Variants in PPARG observed in about 807,000 individuals in gnomAD.
The protein encoded by PPARG is peroxisome proliferator activated receptor gamma.
Under a neutral mutation model 39.2 loss-of-function variants are expected in PPARG, and 17 were observed. The observed-to-expected ratio is 0.43, with a 90% CI of 0.30 to 0.65. The LOEUF (loss-of-function observed/expected upper bound fraction) is 0.65, where lower values mean the gene tolerates loss of function less well. Ranked by LOEUF, PPARG falls within the 30% of genes least tolerant of loss-of-function variation. PPARG has a pLI of 0.13. For missense variants in PPARG, 406 were observed against 585.9 expected (o/e 0.69, Z 3.17); for synonymous variants, 223 against 215.7 (o/e 1.03, Z -0.30).
At chr3:12,427,924 T>C (rs2051511489) in intron 7 of PPARG, among the ~76,000 whole-genome samples, 1 of 152,224 alleles carries the variant, frequency 6.6e-6, no homozygotes, top group African/African-American at 2.4e-5. Flanking sequence ...TTGTTTGTTT[T>C]GGTTTTGAAC....
In PPARG at chr3:12,407,611, C is replaced by G. The variant is rs573965445; in HGVS notation, c.729+1530C>G. Among the ~76,000 whole-genome samples, 5 of 152,306 alleles carry G rather than the reference C, an allele frequency of 3.3e-5. No individual in the cohort carries two copies. The East Asian group carries it at 5.8e-4, about 18-fold the overall frequency. ...GCAGTCATTTATTTTCACATGAACA[C>G]CTCCCAGAGAGCTATGCAATGACTT... On this transcript the variant is annotated intron_variant, in intron 6 of 7. Transcript: ENST00000651735.
chr3:12,360,152 GT>G (rs2048795328), intron 2 of PPARG, among the ~76,000 whole-genome samples: 1 of 152,102 alleles, frequency 6.6e-6, no homozygotes, highest in Non-Finnish European at 1.5e-5. Flanking sequence ...TTTTAATACA[GT>G]TTTTCTCTTC....
intron 1 of PPARG, among the ~76,000 whole-genome samples, chr3:12,307,097 CAAAAA>C (rs11323214): frequency 3.6e-5 from 3 of 83,902 alleles, no homozygotes; most frequent in African/African-American, 9.2e-5. Context: ...GACTCCGTCT[CAAAAA>C]AAAAAAAAAA....
At chr3:12,417,699 C>T (rs1278022345) in intron 7 of PPARG, among the ~76,000 whole-genome samples, 2 of 152,028 alleles carry the variant, frequency 1.3e-5, no homozygotes, top group African/African-American at 4.8e-5. Context: ...TGATGGCTTC[C>T]CTTAAAGTAC....
At chr3:12,304,075 C>A (rs749139654) in intron 1 of PPARG, among the ~76,000 whole-genome samples, 32 of 152,354 alleles carry the variant, frequency 2.1e-4, no homozygotes, top group South Asian at 4.1e-4. Context: ...CCTTCTCAGA[C>A]ATTCACTTAT....
intron 1 of PPARG, among the ~76,000 whole-genome samples, chr3:12,305,234 G>A (rs949790656): frequency 2.0e-5 from 3 of 152,086 alleles, no homozygotes; most frequent in Admixed American, 1.3e-4. Context: ...GTCTCTGAGT[G>A]TAATATGGAA....
At chr3:12,345,316 A>T (rs1156634562) in intron 2 of PPARG, among the ~76,000 whole-genome samples, 1 of 152,206 alleles carries the variant, frequency 6.6e-6, no homozygotes, top group Non-Finnish European at 1.5e-5. Context: ...ACCGAGTCAT[A>T]ATTGAGTACT....
intron 7 of PPARG, among the ~76,000 whole-genome samples, chr3:12,428,650 A>C (rs576505764): frequency 6.6e-6 from 1 of 152,204 alleles, no homozygotes; most frequent in Non-Finnish European, 1.5e-5. Flanking sequence ...TAAAGGACTG[A>C]GTGTGCGTGG....
intron 7 of PPARG, among the ~76,000 whole-genome samples, chr3:12,432,274 A>G (rs894573636): frequency 6.6e-6 from 1 of 152,244 alleles, no homozygotes; most frequent in Non-Finnish European, 1.5e-5. Flanking sequence ...CTAAACCAGT[A>G]TCACCTACAA....
chr3:12,394,159 T>C (rs958546567), intron 5 of PPARG, among the ~76,000 whole-genome samples: 1 of 152,242 alleles, frequency 6.6e-6, no homozygotes, highest in Non-Finnish European at 1.5e-5. Context: ...AATAAACTTA[T>C]TTCATCTTCA....
intron 2 of PPARG, among the ~76,000 whole-genome samples, chr3:12,341,426 T>C (rs917940746): frequency 1.3e-5 from 2 of 152,188 alleles, no homozygotes; most frequent in Non-Finnish European, 2.9e-5. Context: ...GAGAACAAAT[T>C]AAACAAGCAG....
At chr3:12,418,410 C>T (rs1167078375) in intron 7 of PPARG, among the ~76,000 whole-genome samples, 1 of 152,074 alleles carries the variant, frequency 6.6e-6, no homozygotes, top group Non-Finnish European at 1.5e-5. Context: ...ACAGTGTATC[C>T]TCTGTGAAAA....
intron 2 of PPARG, among the ~76,000 whole-genome samples, chr3:12,369,329 A>G (rs1202396497): frequency 1.3e-5 from 2 of 152,078 alleles, no homozygotes; most frequent in Admixed American, 1.3e-4. Flanking sequence ...TCATCAGTAC[A>G]GAAAATACAA....
intron 2 of PPARG, among the ~76,000 whole-genome samples, chr3:12,360,998 A>G (rs535639934): frequency 1.3e-5 from 2 of 152,136 alleles, no homozygotes; most frequent in African/African-American, 2.4e-5. Context: ...TCTGAACAGG[A>G]CTCTAGAAAT....
intron 7 of PPARG, among the ~76,000 whole-genome samples, chr3:12,424,607 A>C (rs1378288844): frequency 6.6e-6 from 1 of 152,232 alleles, no homozygotes; most frequent in Non-Finnish European, 1.5e-5. Flanking sequence ...CAGACAGATC[A>C]TCTGCAAGTG....
At chr3:12,397,440 T>G (rs2050308149) in intron 5 of PPARG, among the ~76,000 whole-genome samples, 1 of 149,034 alleles carries the variant, frequency 6.7e-6, no homozygotes, top group South Asian at 2.1e-4. Context: ...AGACAAAGTC[T>G]CGCTCTGTTG....
intron 1 of PPARG, among the ~76,000 whole-genome samples, 155 bp from the exon 2 acceptor site, chr3:12,312,225 T>C (rs1165523086): frequency 2.0e-5 from 3 of 152,240 alleles, no homozygotes; most frequent in Non-Finnish European, 4.4e-5. Flanking sequence ...TAGAAAGCAT[T>C]GTAGGCTCAG....
chr3:12,392,382 G>A (rs534962051), intron 4 of PPARG, among the ~76,000 whole-genome samples: 1 of 152,258 alleles, frequency 6.6e-6, no homozygotes, highest in South Asian at 2.1e-4. Context: ...AGCTGGATGT[G>A]GTCAGTGTCT....
chr3:12,343,515 T>C (rs2048242889), intron 2 of PPARG, among the ~76,000 whole-genome samples: 1 of 152,222 alleles, frequency 6.6e-6, no homozygotes, highest in Non-Finnish European at 1.5e-5. Flanking sequence ...AATAAATGAC[T>C]TCGCAGGGTT....
Sources: gnomAD v4.1 joint callset for allele counts (sites outside exome capture counted in the v4.1 genomes callset) on GRCh38, gnomAD v4.1.1 for gene constraint, MANE v1.5 for transcripts, NCBI Gene and HGNC (gene_info 2026-07-23, HGNC 2026-07-21) for gene names.